The following PRLR variants were observed in gnomAD, a reference collection of about 807,000 sequenced individuals.
PRLR encodes the protein hPRL receptor.
A neutral mutation model predicts 40.2 loss-of-function variants in PRLR; 13 were observed. That is an observed-to-expected ratio of 0.32 (90% CI 0.21 to 0.51). PRLR has a LOEUF of 0.51. PRLR is among the 20% of genes least tolerant of loss of function. PRLR has a pLI of 0.97. For synonymous variants in PRLR, 269 were observed against 278.7 expected (o/e 0.97, Z 0.35); for missense variants, 656 against 747.3 (o/e 0.88, Z 1.42).
intron 1 of PRLR, among the ~76,000 whole-genome samples, chr5:35,169,827 A>C (rs1291908811): frequency 6.6e-6 from 1 of 152,236 alleles, no homozygotes; most frequent in Non-Finnish European, 1.5e-5. Flanking sequence ...ACTTCTATAT[A>C]GATCTCTCTA....
At chr5:35,107,546 C>T (rs1264965754) in intron 2 of PRLR, among the ~76,000 whole-genome samples, 2 of 152,214 alleles carry the variant, frequency 1.3e-5, no homozygotes, top group Admixed American at 1.3e-4. Flanking sequence ...AAAGGGATAT[C>T]ACCACCAATC....
rs1769339361 is a variant in PRLR, at chr5:35,065,903, C to T, written c.1055G>A (p.Gly352Glu). The T allele has an allele frequency of 4.3e-6, 7 of 1,614,124 alleles. No individual in the cohort carries two copies. The highest frequency in any genetic ancestry group is 3.3e-5 in the South Asian group (3 of 91,066). Residue 352 changes from glycine to glutamate, a missense_variant, in exon 10 of 10, where the codon GGG (glycine) becomes GAG (glutamate). This residue lies in a region of PRLR where 469 missense variants were observed against 491.5 expected (regional missense o/e 0.95). Coordinates refer to ENST00000618457, the MANE Select transcript of PRLR (RefSeq NM_000949.7). ...YLDPDTDSGR[G>E]SCDSPSLLSE... ...CAAAAGGGAAGGGCTGTCACAGCTC[C>T]CCCGGCCTGAGTCAGTGTCAGGATC...
intron 2 of PRLR, among the ~76,000 whole-genome samples, chr5:35,107,071 C>G (rs1462860928): frequency 6.6e-6 from 1 of 152,196 alleles, no homozygotes; most frequent in African/African-American, 2.4e-5. Flanking sequence ...GATTAAGAAA[C>G]TCACTCAAAA....
At chr5:35,214,421 T>A (rs1236262999) in intron 1 of PRLR, among the ~76,000 whole-genome samples, 1 of 152,170 alleles carries the variant, frequency 6.6e-6, no homozygotes, top group Non-Finnish European at 1.5e-5. Flanking sequence ...GCTCGAACCA[T>A]CCAAATACAA....
At chr5:35,103,875 C>G (rs1452969556) in intron 2 of PRLR, among the ~76,000 whole-genome samples, 1 of 152,142 alleles carries the variant, frequency 6.6e-6, no homozygotes, top group Non-Finnish European at 1.5e-5. Context: ...TGTGCCTAAG[C>G]AGAAGGCCTG....
chr5:35,088,534 A>T (rs3776610), intron 3 of PRLR, among the ~76,000 whole-genome samples: 1 of 152,132 alleles, frequency 6.6e-6, no homozygotes, highest in East Asian at 1.9e-4. Context: ...CTCTCTCTGA[A>T]AGCTTCTCTT....
At chr5:35,108,680 G>A (rs984858005) in intron 2 of PRLR, among the ~76,000 whole-genome samples, 4 of 152,136 alleles carry the variant, frequency 2.6e-5, no homozygotes, top group Non-Finnish European at 4.4e-5. Context: ...ACATCTTCAA[G>A]GAGAACTACA....
intron 1 of PRLR, among the ~76,000 whole-genome samples, chr5:35,121,948 G>A (rs1773307248): frequency 6.6e-6 from 1 of 152,044 alleles, no homozygotes; most frequent in Non-Finnish European, 1.5e-5. Flanking sequence ...ATAGAGCTGT[G>A]GATATAAACA....
intron 1 of PRLR, among the ~76,000 whole-genome samples, chr5:35,162,989 C>A (rs575126860): frequency 6.6e-6 from 1 of 152,144 alleles, no homozygotes; most frequent in Non-Finnish European, 1.5e-5. Flanking sequence ...CCTTTTGAGA[C>A]AGCCAGGTGG....
chr5:35,214,375 A>G (rs1348627149), intron 1 of PRLR, among the ~76,000 whole-genome samples: 1 of 152,222 alleles, frequency 6.6e-6, no homozygotes, highest in Non-Finnish European at 1.5e-5. Context: ...ACTATTTGTC[A>G]TCATTCCATT....
In PRLR at chr5:35,058,685, TTAAG is replaced by T. The variant is rs1326837463; in HGVS notation, c.*6400_*6403del. The T allele has an allele frequency of 2.6e-5, 4 of 152,220 alleles. No homozygotes were observed. Among genetic ancestry groups the T allele is most frequent in the African/African-American group, 9.6e-5 (4 of 41,464 alleles). The allele number at this position is 152,220 out of a possible 1,614,324, so 9.4% of individuals were successfully genotyped here. On this transcript the variant is annotated 3_prime_UTR_variant, in exon 10 of 10. Transcript: ENST00000618457. ...CTACATATGGATAAATTGTAAGTTA[TTAAG>T]TAATGATTTTCATTTGTATTACATG... is the stretch of plus-strand genomic sequence containing the variant.
intron 1 of PRLR, among the ~76,000 whole-genome samples, chr5:35,177,983 CT>C (rs879290085): frequency 1.6e-3 from 227 of 143,098 alleles, no homozygotes; most frequent in Admixed American, 2.0e-3. Flanking sequence ...TATTGCCTGT[CT>C]TTTTTTTTTT....
intron 1 of PRLR, among the ~76,000 whole-genome samples, chr5:35,128,292 T>A (rs1410256081): frequency 6.7e-6 from 1 of 149,790 alleles, no homozygotes; most frequent in Non-Finnish European, 1.5e-5. Context: ...GACTTGCGCA[T>A]CTGTGGATCT....
At chr5:35,142,680 T>A (rs982339533) in intron 1 of PRLR, among the ~76,000 whole-genome samples, 1 of 152,216 alleles carries the variant, frequency 6.6e-6, no homozygotes, top group Admixed American at 6.5e-5. Flanking sequence ...AATTCTTTGG[T>A]GCAAGATGGT....
chr5:35,062,860 G>C lies in PRLR; in HGVS notation c.*2229C>G, dbSNP rs975907807. ...AATGTGAATCTTAAACTACTGATAT[G>C]TTTCTTTTTTTGCCTGCTTACATGC... On this transcript the variant is annotated 3_prime_UTR_variant, in exon 10 of 10. Coordinates refer to ENST00000618457, the MANE Select transcript of PRLR (RefSeq NM_000949.7). 6.6e-6 allele frequency: 1 copy of C among 152,158 alleles called. No individual in the cohort carries two copies. The highest frequency in any genetic ancestry group is 2.1e-4 in the South Asian group (1 of 4,826). 9.4% of individuals were successfully genotyped at this position (152,158 alleles called of 1,614,324 possible). A position where few individuals can be genotyped will look rare whatever the true frequency, so the allele number is the denominator to read the frequency against.
At chr5:35,068,074 C>A in intron 9 of PRLR, 142 bp downstream of exon 9, 1 of 716,530 alleles carries the variant, frequency 1.4e-6, no homozygotes, top group Non-Finnish European at 2.5e-6. Flanking sequence ...TTTCTGTTAA[C>A]ACACATGCTG....
intron 1 of PRLR, among the ~76,000 whole-genome samples, chr5:35,138,291 C>G (rs923436641): frequency 1.3e-5 from 2 of 152,046 alleles, no homozygotes; most frequent in African/African-American, 4.8e-5. Flanking sequence ...CAAAACAATC[C>G]GATATACTTA....
chr5:35,205,253 A>G (rs564615529), intron 1 of PRLR, among the ~76,000 whole-genome samples: 1 of 152,244 alleles, frequency 6.6e-6, no homozygotes, highest in African/African-American at 2.4e-5. Flanking sequence ...ATGCTAAAAG[A>G]TAAGAGGTGG....
chr5:35,187,409 A>C (rs1775475471), intron 1 of PRLR, among the ~76,000 whole-genome samples: 1 of 152,078 alleles, frequency 6.6e-6, no homozygotes, highest in Admixed American at 6.5e-5. Flanking sequence ...TAAAAAAAAA[A>C]AAAAGAAGAA....
Sources: allele counts gnomAD v4.1 joint callset (sites outside exome capture counted in the v4.1 genomes callset), GRCh38; gene constraint gnomAD v4.1.1; regional missense constraint gnomAD v4.1.1; transcripts MANE v1.5; gene names NCBI Gene and HGNC (gene_info 2026-07-23, HGNC 2026-07-21).